Variants in GUCY1B1 observed in about 807,000 individuals in gnomAD.
The protein encoded by GUCY1B1 is guanylate cyclase 1 soluble subunit beta 1, also known as guanylate cyclase soluble subunit beta-1.
Under a neutral mutation model 71.0 loss-of-function variants are expected in GUCY1B1, and 43 were observed. The ratio of observed to expected loss-of-function variants is 0.61; its 90% CI spans 0.47 to 0.78. GUCY1B1 has a LOEUF of 0.78. Among genes scored for constraint, GUCY1B1 ranks in the 30% least tolerant of loss-of-function variants. The pLI, the probability that GUCY1B1 is intolerant of heterozygous loss-of-function variation, is 0.00. For missense variants in GUCY1B1, 535 were observed against 754.1 expected, an observed-to-expected ratio of 0.71 and a Z score of 3.40; for synonymous variants, 266 against 259.7, an observed-to-expected ratio of 1.02 and a Z score of -0.23.
At chr4:155,804,042 T>C (rs1364372443) in intron 11 of GUCY1B1, among the ~76,000 whole-genome samples, 2 of 152,194 alleles carry the variant, frequency 1.3e-5, no homozygotes, top group Non-Finnish European at 2.9e-5. Context: ...ACCTCTTTCA[T>C]GTCTCATGTA....
intron 4 of GUCY1B1, among the ~76,000 whole-genome samples, chr4:155,779,658 G>A (rs1227248297): frequency 6.6e-6 from 1 of 152,108 alleles, no homozygotes; most frequent in Non-Finnish European, 1.5e-5. Context: ...AATTGAATAT[G>A]TTAAAATACT....
Position 155,802,486 on chromosome 4 carries a change from A to G in GUCY1B1, c.1320A>G (p.Gly440=). ...FNAFCSKHAS[G]EGAMKIVNLL... is the part of the protein sequence containing the mutation. ...CTTTCTGTAGCAAGCATGCATCTGG[A>G]GAAGGAGCCATGAAGATCGTCAACC... The change falls in exon 10 of 14, where the codon GGA becomes GGG. Residue 440 remains glycine, a synonymous_variant. Coordinates refer to ENST00000264424, the MANE Select transcript of GUCY1B1 (RefSeq NM_000857.5). The surrounding 1 kb of genome is among the most constrained non-coding windows in gnomAD (Gnocchi z 4.3). The G allele has an allele frequency of 6.2e-7, 1 of 1,613,690 alleles. No individual in the cohort carries two copies. The highest frequency in any genetic ancestry group is 8.5e-7 in the Non-Finnish European group (1 of 1,179,724).
chr4:155,769,950 GA>G (rs1400098858), intron 2 of GUCY1B1, among the ~76,000 whole-genome samples: 6 of 152,096 alleles, frequency 3.9e-5, no homozygotes, highest in Non-Finnish European at 8.8e-5. Context: ...AATTCTGAAA[GA>G]ATGAATGAGT....
At chr4:155,766,073 G>A (rs113245823) in intron 2 of GUCY1B1, among the ~76,000 whole-genome samples, 127 of 152,120 alleles carry the variant, frequency 8.3e-4, no homozygotes, top group African/African-American at 2.9e-3. Context: ...CTCTCTCTAT[G>A]TATTCAATAA....
Position 155,806,523 on chromosome 4 carries a change from C to G in GUCY1B1, c.*114C>G, listed in dbSNP as rs1740328193. 1.4e-6 allele frequency: 1 copy of G among 692,798 alleles called. No individual in the cohort carries two copies. The allele number at this position is 692,798 out of a possible 1,614,324, so 42.9% of individuals were successfully genotyped here. On this transcript the variant is annotated 3_prime_UTR_variant, in exon 14 of 14. Transcript: ENST00000264424. The stretch of plus-strand genomic sequence containing the variant: ...GATACAGATTTTCTTTTGTCCTTGT[C>G]CATTACCCCAAGACTTTCTTCTAGA...
intron 4 of GUCY1B1, among the ~76,000 whole-genome samples, chr4:155,778,910 C>T (rs866877365): frequency 7.2e-5 from 11 of 151,838 alleles, no homozygotes; most frequent in Admixed American, 1.3e-4. Context: ...ACTTATAACT[C>T]TCTCTCTCAA....
intron 5 of GUCY1B1, among the ~76,000 whole-genome samples, chr4:155,791,284 T>C (rs983223535): frequency 2.6e-5 from 4 of 151,136 alleles, no homozygotes; most frequent in African/African-American, 9.7e-5. Flanking sequence ...CCGGCTAATT[T>C]TTTTGTATTT....
rs751838270 is a variant in GUCY1B1 at position 155,779,519 on chromosome 4, C to A, written c.297+1877C>A. ...AATTATACACAATTTTATTTTATTT[C>A]TCTTTCAACGTGAGAGTGAAAAATG... On this transcript the variant is annotated intron_variant, in intron 4 of 13. Transcript: ENST00000264424. Among the ~76,000 whole-genome samples, 62 of 150,080 alleles carry A rather than the reference C, an allele frequency of 4.1e-4. 1 individual carries two copies. The highest frequency in any genetic ancestry group is 7.3e-4 in the Non-Finnish European group (49 of 67,422).
intron 2 of GUCY1B1, among the ~76,000 whole-genome samples, chr4:155,774,563 A>C (rs1351759478): frequency 2.0e-5 from 3 of 152,328 alleles, no homozygotes; most frequent in Middle Eastern, 3.4e-3. Context: ...GCAAGAAGTC[A>C]GGGATTTTTG....
chr4:155,768,456 GTTTTT>G (rs35462860), intron 2 of GUCY1B1, among the ~76,000 whole-genome samples: 3 of 128,612 alleles, frequency 2.3e-5, no homozygotes, highest in Non-Finnish European at 5.0e-5. Flanking sequence ...TTACTTGTTT[GTTTTT>G]TTTTTTTTTT....
At chr4:155,785,595 C>CA (rs565720430) in intron 4 of GUCY1B1, among the ~76,000 whole-genome samples, 1,535 of 139,070 alleles carry the variant, frequency 0.011, 17 homozygotes, top group Middle Eastern at 0.029. Flanking sequence ...CTTTTTGTAG[C>CA]AAAAAAAAAA....
At chr4:155,795,233 T>C (rs1739464710) in intron 6 of GUCY1B1, 108 bp from the exon 7 acceptor site, 1 of 551,424 alleles carries the variant, frequency 1.8e-6, no homozygotes. Flanking sequence ...ATAATTATAA[T>C]TTTCTAGTTT....
At chr4:155,781,762 A>AT (rs924660516) in intron 4 of GUCY1B1, among the ~76,000 whole-genome samples, 1 of 152,118 alleles carries the variant, frequency 6.6e-6, no homozygotes, top group African/African-American at 2.4e-5. Context: ...TTTAGAATTG[A>AT]TTTTTTCTTA....
chr4:155,771,838 C>A (rs2111009701), intron 2 of GUCY1B1, among the ~76,000 whole-genome samples: 1 of 152,122 alleles, frequency 6.6e-6, no homozygotes, highest in East Asian at 1.9e-4. Flanking sequence ...TTTTATGCAG[C>A]CATGGTATAG....
chr4:155,771,691 T>A (rs1737702689), intron 2 of GUCY1B1, among the ~76,000 whole-genome samples: 1 of 152,156 alleles, frequency 6.6e-6, no homozygotes, highest in South Asian at 2.1e-4. Flanking sequence ...AAACTATTTA[T>A]CCCATTCCTA....
At chr4:155,786,621 C>T (rs1334753433) in intron 4 of GUCY1B1, among the ~76,000 whole-genome samples, 6 of 151,856 alleles carry the variant, frequency 4.0e-5, no homozygotes, top group Non-Finnish European at 8.8e-5. Context: ...AGGCACCCAC[C>T]GCCACACCCT....
intron 9 of GUCY1B1, among the ~76,000 whole-genome samples, chr4:155,801,231 CTTTG>C (rs10600107): frequency 0.03 from 4,641 of 152,166 alleles, 257 homozygotes; most frequent in African/African-American, 0.11. Flanking sequence ...AGAACTACTT[CTTTG>C]TTTGGATTCC....
chr4:155,780,593 A>G (rs1738351369), intron 4 of GUCY1B1, among the ~76,000 whole-genome samples: 1 of 152,230 alleles, frequency 6.6e-6, no homozygotes, highest in Admixed American at 6.5e-5. Flanking sequence ...TGCAATCTGT[A>G]TATCTGAGAA....
chr4:155,772,419 C>A (rs2111013055), intron 2 of GUCY1B1, among the ~76,000 whole-genome samples: 1 of 152,092 alleles, frequency 6.6e-6, no homozygotes, highest in East Asian at 1.9e-4. Context: ...TGTTTGTTCG[C>A]TTGTTTGTTA....
Sources: allele counts gnomAD v4.1 joint callset (sites outside exome capture counted in the v4.1 genomes callset), GRCh38; gene constraint gnomAD v4.1.1; non-coding constraint Gnocchi (gnomAD v3.1); transcripts MANE v1.5; gene names NCBI Gene and HGNC (gene_info 2026-07-23, HGNC 2026-07-21).